Variants in MID1 observed in about 807,000 individuals in gnomAD.
The protein encoded by MID1 is E3 ubiquitin-protein ligase Midline-1.
A neutral mutation model predicts 40.4 loss-of-function variants in MID1; 7 were observed. That is an observed-to-expected ratio of 0.17 (90% confidence interval 0.10 to 0.33). The LOEUF (loss-of-function observed/expected upper bound fraction) is 0.33, where lower values mean the gene tolerates loss of function less well. Among genes scored for constraint, MID1 ranks in the 10% least tolerant of loss-of-function variants. MID1 has a pLI of 1.00. For synonymous variants in MID1, 229 were observed against 221.2 expected, an observed-to-expected ratio of 1.04 and a Z score of -0.31; for missense variants, 367 against 558.5, an observed-to-expected ratio of 0.66 and a Z score of 3.46.
At chrX:10,785,346 G>T (rs745513836) in intron 1 of MID1, among the ~76,000 whole-genome samples, 6 of 111,054 alleles carry the variant, frequency 5.4e-5, no homozygotes, top group African/African-American at 2.0e-4. Context: ...AACATTCCAT[G>T]CTCATGGGTA....
intron 1 of MID1, among the ~76,000 whole-genome samples, chrX:10,666,914 C>T (rs1027712476): frequency 3.6e-5 from 4 of 111,630 alleles, no homozygotes; most frequent in African/African-American, 1.3e-4. Context: ...AAGGAATTTC[C>T]TGACATGAAA....
chrX:10,616,089 G>A (rs1249255395), intron 1 of MID1, among the ~76,000 whole-genome samples: 1 of 111,980 alleles, frequency 8.9e-6, no homozygotes, highest in Non-Finnish European at 1.9e-5. Context: ...GAAGTCCGCT[G>A]CCTGATCTTC....
chrX:10,832,678 T>C (rs1470457097), intron 1 of MID1, among the ~76,000 whole-genome samples: 1 of 112,440 alleles, frequency 8.9e-6, no homozygotes, highest in Non-Finnish European at 1.9e-5. Context: ...TTTTGACAGC[T>C]ATAAAAAATT....
At chrX:10,729,327 C>T (rs916008409) in intron 1 of MID1, among the ~76,000 whole-genome samples, 1 of 111,961 alleles carries the variant, frequency 8.9e-6, no homozygotes, top group Non-Finnish European at 1.9e-5. Context: ...GTGTCTGCCA[C>T]GGTAAATCCA....
In MID1 at chrX:10,729,939, C is replaced by CCGGG. The variant is rs775899185; in HGVS notation, c.-187+103611_-187+103614dup. ...CTCTACTAAAAATACAAAAAATTAG[C>CCGGG]CGGGCGTGGTGGCGGGCACCTGTAG... On this transcript the variant is annotated intron_variant, in intron 1 of 10. Transcript: ENST00000380785. Among the ~76,000 whole-genome samples, 6 of 109,538 alleles carry CCGGG rather than the reference C, an allele frequency of 5.5e-5. No individual in the cohort carries two copies. The South Asian group carries it at 2.4e-3, about 44-fold the overall frequency.
chrX:10,526,292 T>TAACAAC (rs371728204), intron 2 of MID1, among the ~76,000 whole-genome samples: 20 of 110,251 alleles, frequency 1.8e-4, no homozygotes, highest in South Asian at 1.1e-3. Context: ...AACTTGCTTT[T>TAACAAC]AACAACAACA....
intron 2 of MID1, among the ~76,000 whole-genome samples, chrX:10,529,010 C>T (rs1410154725): frequency 5.4e-5 from 6 of 111,663 alleles, no homozygotes; most frequent in African/African-American, 1.6e-4. Flanking sequence ...AGTTCTTAAC[C>T]TCTGTGCCTC....
rs1391108834 is a variant in MID1 at position 10,765,937 on chromosome X, GGAAAGGAAAGAAAGAAA to G, written c.-187+67600_-187+67616del. ...AAAGAAAGAAAGAAAGGAAAGGAAAGGAAAGGAAAGAAAGAAAGAAAGAAAGAAAGAAAGAAAGAAAG... is the reference window on the plus strand; with the variant it reads ...AAAGAAAGAAAGAAAGGAAAGGAAAGGAAAGAAAGAAAGAAAGAAAGAAAG... On this transcript the variant is annotated intron_variant, in intron 1 of 10. Coordinates refer to the MID1 transcript ENST00000380785. Among the ~76,000 whole-genome samples, 171 of 72,166 alleles carry G rather than the reference GGAAAGGAAAGAAAGAAA, an allele frequency of 2.4e-3. 1 individual carries two copies. Among genetic ancestry groups the G allele is most frequent in the African/African-American group, 8.3e-3 (130 of 15,694 alleles). 62.7% of individuals were successfully genotyped at this position (72,166 alleles called of 115,157 possible). A position where few individuals can be genotyped will look rare whatever the true frequency, so the allele number is the denominator to read the frequency against.
intron 3 of MID1, among the ~76,000 whole-genome samples, chrX:10,498,021 T>C (rs1931348202): frequency 8.9e-6 from 1 of 112,421 alleles, no homozygotes; most frequent in Non-Finnish European, 1.9e-5. Context: ...AACATGCAGG[T>C]AATGGATTGG....
intron 2 of MID1, among the ~76,000 whole-genome samples, chrX:10,527,800 T>C (rs182205574): frequency 2.7e-5 from 3 of 111,565 alleles, no homozygotes; most frequent in Admixed American, 9.5e-5. Context: ...CAGGGCGCAA[T>C]TGGGAGGCAG....
intron 1 of MID1, among the ~76,000 whole-genome samples, chrX:10,661,758 T>G (rs1291179856): frequency 8.9e-6 from 1 of 112,203 alleles, no homozygotes; most frequent in Non-Finnish European, 1.9e-5. Context: ...CATATGACAT[T>G]ACTCTCAATA....
chrX:10,642,017 C>T (rs1476484029), intron 1 of MID1, among the ~76,000 whole-genome samples: 13 of 111,917 alleles, frequency 1.2e-4, no homozygotes, highest in African/African-American at 3.9e-4. Context: ...GAATGTATCT[C>T]AAAATAGTAA....
At position 10,454,872 on chromosome X, in the gene MID1, T is replaced by C. The variant is rs1928557129; in HGVS notation, c.1653A>G (p.Thr551=). The part of the protein sequence containing the change: ...HYWEVVISGS[T]WYAIGLAYKS... ...GACAATAGAAATAAGTTGCTTACCA[T>C]GTGCTTCCACTTATGACCACTTCCC... is the stretch of plus-strand genomic sequence containing the variant. The change falls in exon 9 of 10, where the codon ACA becomes ACG. Residue 551 remains threonine (T), a splice_region_variant and synonymous_variant. Transcript: ENST00000317552. 2 of 1,207,250 alleles carry C rather than the reference T, an allele frequency of 1.7e-6. No homozygotes were observed. The highest frequency in any genetic ancestry group is 3.5e-5 in the African/African-American group (2 of 57,766).
At chrX:10,746,339 C>G (rs765185653) in intron 1 of MID1, among the ~76,000 whole-genome samples, 166 of 111,994 alleles carry the variant, frequency 1.5e-3, no homozygotes, top group Non-Finnish European at 2.8e-3. Flanking sequence ...CACCCACTAC[C>G]AATTTTTAGG....
intron 1 of MID1, among the ~76,000 whole-genome samples, chrX:10,591,977 A>G (rs1012633024): frequency 3.6e-5 from 4 of 111,018 alleles, no homozygotes; most frequent in African/African-American, 1.3e-4. Flanking sequence ...AATATGATGG[A>G]TATGGTAATG....
intron 4 of MID1, among the ~76,000 whole-genome samples, chrX:10,489,069 G>C (rs1930783585): frequency 9.0e-6 from 1 of 111,445 alleles, no homozygotes; most frequent in Non-Finnish European, 1.9e-5. Context: ...AATCTTTTAT[G>C]CATTTTGGTG....
intron 1 of MID1, among the ~76,000 whole-genome samples, chrX:10,803,515 G>C (rs59610609): frequency 0.032 from 3,563 of 109,778 alleles, 160 homozygotes; most frequent in African/African-American, 0.11. Context: ...ACCACGCCCG[G>C]CTAATTTTTG....
intron 1 of MID1, among the ~76,000 whole-genome samples, chrX:10,641,050 C>T (rs1346012724): frequency 9.0e-6 from 1 of 111,604 alleles, no homozygotes; most frequent in African/African-American, 3.3e-5. Context: ...TAAATGCCCA[C>T]AAGAGAAAGC....
At chrX:10,565,561 A>T (rs1274072846) in intron 2 of MID1, 1 of 324,757 alleles carries the variant, frequency 3.1e-6, no homozygotes, top group Non-Finnish European at 6.0e-6. Flanking sequence ...GCTCAACAAC[A>T]TGGTATGTGT....
Sources: gnomAD v4.1 joint callset for allele counts (sites outside exome capture counted in the v4.1 genomes callset) on GRCh38, gnomAD v4.1.1 for gene constraint, MANE v1.5 for transcripts, NCBI Gene and HGNC (gene_info 2026-07-23, HGNC 2026-07-21) for gene names.